Variants in HHAT observed in about 807,000 individuals in gnomAD.
HHAT encodes the protein hedgehog acyltransferase.
In HHAT, 47 loss-of-function variants were observed where a neutral mutation model predicts 70.8. That is an observed-to-expected ratio of 0.66 (90% confidence interval 0.53 to 0.85). The LOEUF is 0.85. Among genes scored for constraint, HHAT ranks in the 40% least tolerant of loss-of-function variants. HHAT has a pLI of 0.00. For missense variants in HHAT, 609 were observed against 604.8 expected (o/e 1.01, Z -0.07); for synonymous variants, 228 against 247.6 (o/e 0.92, Z 0.74).
At chr1:210,456,126 G>A (rs1443892924) in intron 7 of HHAT, among the ~76,000 whole-genome samples, 2 of 152,186 alleles carry the variant, frequency 1.3e-5, no homozygotes, top group Non-Finnish European at 2.9e-5. Flanking sequence ...TGGCCTCTTT[G>A]TATTGTTTTG....
At chr1:210,480,951 A>C (rs2094386678) in intron 8 of HHAT, among the ~76,000 whole-genome samples, 1 of 152,228 alleles carries the variant, frequency 6.6e-6, no homozygotes, top group Admixed American at 6.5e-5. Flanking sequence ...GTTATGTGTC[A>C]GCAACTGTGC....
chr1:210,631,055 T>A (rs1028145622), intron 11 of HHAT: 20 of 456,618 alleles, frequency 4.4e-5, no homozygotes, highest in African/African-American at 3.8e-4. Context: ...TCCAGGGCTT[T>A]CCTGTGTTTC....
intron 11 of HHAT, among the ~76,000 whole-genome samples, chr1:210,672,423 T>C (rs111989521): frequency 0.03 from 4,537 of 152,306 alleles, 86 homozygotes; most frequent in Middle Eastern, 0.061. Flanking sequence ...TATAAGGTGG[T>C]CTTCCTCTAG....
At chr1:210,555,657 A>T (rs962232736) in intron 9 of HHAT, among the ~76,000 whole-genome samples, 2 of 152,234 alleles carry the variant, frequency 1.3e-5, no homozygotes, top group African/African-American at 4.8e-5. Flanking sequence ...TAACTGTTAG[A>T]TAACAGGCTG....
At chr1:210,476,504 C>T (rs192806300) in intron 8 of HHAT, among the ~76,000 whole-genome samples, 3 of 152,292 alleles carry the variant, frequency 2.0e-5, no homozygotes, top group Non-Finnish European at 4.4e-5. Context: ...ACCTTACTGG[C>T]AATAGTGCAG....
At chr1:210,563,661 T>A (rs2095643995) in intron 9 of HHAT, among the ~76,000 whole-genome samples, 3 of 152,228 alleles carry the variant, frequency 2.0e-5, no homozygotes, top group South Asian at 4.1e-4. Flanking sequence ...TCAGCATAGG[T>A]GTGAAGGAGA....
chr1:210,566,042 G>A (rs1273678527), intron 9 of HHAT, among the ~76,000 whole-genome samples: 1 of 152,128 alleles, frequency 6.6e-6, no homozygotes, highest in Non-Finnish European at 1.5e-5. Context: ...GAGTAGAAAT[G>A]CACTGAACTT....
intron 11 of HHAT, among the ~76,000 whole-genome samples, chr1:210,666,354 C>T (rs148873655): frequency 0.017 from 2,523 of 152,326 alleles, 45 homozygotes; most frequent in Middle Eastern, 0.031. Context: ...CTTTTCCAGT[C>T]CTCCTGCCCC....
chr1:210,599,749 C>T (rs1663821515), intron 10 of HHAT, among the ~76,000 whole-genome samples: 1 of 152,048 alleles, frequency 6.6e-6, no homozygotes, highest in Admixed American at 6.6e-5. Context: ...ATTTATTATC[C>T]TCATAGTCCT....
chr1:210,583,947 A>ATTTTTTTTTTT (rs371722219), intron 9 of HHAT, among the ~76,000 whole-genome samples: 51 of 88,990 alleles, frequency 5.7e-4, no homozygotes, highest in Non-Finnish European at 8.6e-4. Context: ...AGTGCAGCTA[A>ATTTTTTTTTTT]TTTTTTTTTT....
intron 11 of HHAT, among the ~76,000 whole-genome samples, chr1:210,634,574 C>A (rs1661035001): frequency 6.6e-6 from 1 of 152,186 alleles, no homozygotes; most frequent in South Asian, 2.1e-4. Context: ...GTCTGTGGAG[C>A]TGCGCTTTTT....
At chr1:210,629,375 G>T (rs1277631150) in intron 11 of HHAT, among the ~76,000 whole-genome samples, 1 of 152,218 alleles carries the variant, frequency 6.6e-6, no homozygotes, top group Non-Finnish European at 1.5e-5. Context: ...AAACACCCAG[G>T]AAGGGCTTTC....
At chr1:210,603,161 C>T (rs1186693384) in intron 10 of HHAT, among the ~76,000 whole-genome samples, 1 of 152,170 alleles carries the variant, frequency 6.6e-6, no homozygotes, top group East Asian at 1.9e-4. Context: ...GTGTCCTGCT[C>T]CAATCATCGG....
chr1:210,440,370 G>T (rs3765850), intron 7 of HHAT, among the ~76,000 whole-genome samples: 32,199 of 151,440 alleles, frequency 0.21, 3,744 homozygotes, highest in South Asian at 0.27. Context: ...AGTTCTGCAG[G>T]TTGGGTAATT....
intron 10 of HHAT, among the ~76,000 whole-genome samples, chr1:210,600,846 A>G (rs1664104334): frequency 6.6e-6 from 1 of 152,098 alleles, no homozygotes. Context: ...CTACCCAAAG[A>G]AGAGTCTATA....
intron 2 of HHAT, among the ~76,000 whole-genome samples, chr1:210,355,620 A>C (rs1235970397): frequency 1.3e-5 from 2 of 152,142 alleles, no homozygotes; most frequent in Non-Finnish European, 2.9e-5. Context: ...AAATATATGG[A>C]TTTCTAAGTG....
intron 11 of HHAT, among the ~76,000 whole-genome samples, chr1:210,648,447 G>A (rs553729831): frequency 6.6e-6 from 1 of 152,188 alleles, no homozygotes; most frequent in Non-Finnish European, 1.5e-5. Flanking sequence ...CCCCAGCAGT[G>A]TACTTGGTGA....
intron 9 of HHAT, among the ~76,000 whole-genome samples, chr1:210,542,989 C>T (rs2095445801): frequency 6.6e-6 from 1 of 152,168 alleles, no homozygotes; most frequent in Non-Finnish European, 1.5e-5. Flanking sequence ...TATGGCACCG[C>T]TGTTCACAGA....
chr1:210,608,810 C>T (rs1666022177), intron 10 of HHAT, among the ~76,000 whole-genome samples: 1 of 152,160 alleles, frequency 6.6e-6, no homozygotes, highest in Non-Finnish European at 1.5e-5. Context: ...CAGTCTCTCC[C>T]TCCAAGATGG....
Sources: allele counts gnomAD v4.1 joint callset (sites outside exome capture counted in the v4.1 genomes callset), GRCh38; gene constraint gnomAD v4.1.1; transcripts MANE v1.5; gene names NCBI Gene and HGNC (gene_info 2026-07-23, HGNC 2026-07-21).